The following STK40 variants were observed in gnomAD, a reference collection of about 807,000 sequenced individuals.
STK40 encodes the protein serine/threonine-protein kinase 40.
A neutral mutation model predicts 47.9 loss-of-function variants in STK40; 13 were observed. That is an observed-to-expected ratio of 0.27 (90% CI 0.18 to 0.43). STK40 has a LOEUF of 0.43. Ranked by LOEUF, STK40 falls within the 20% of genes least tolerant of loss-of-function variation. The pLI is 1.00. For missense variants in STK40, 460 were observed against 595.1 expected, an observed-to-expected ratio of 0.77 and a Z score of 2.36; for synonymous variants, 225 against 243.2, an observed-to-expected ratio of 0.93 and a Z score of 0.69.
chr1:36,366,716 GA>G, intron 1 of STK40, among the ~76,000 whole-genome samples: 1 of 152,294 alleles, frequency 6.6e-6, no homozygotes, highest in African/African-American at 2.4e-5. Context: ...GGTCCCCCCA[GA>G]CACCTGGTCC....
intron 1 of STK40, among the ~76,000 whole-genome samples, chr1:36,376,772 T>C (rs1243249779): frequency 6.6e-6 from 1 of 152,216 alleles, no homozygotes; most frequent in East Asian, 1.9e-4. Flanking sequence ...ATACACACTT[T>C]TGAATACGCA....
chr1:36,355,969 G>A (rs1646800212), intron 4 of STK40, among the ~76,000 whole-genome samples: 1 of 152,114 alleles, frequency 6.6e-6, no homozygotes, highest in Non-Finnish European at 1.5e-5. Flanking sequence ...CTGTCGGGAT[G>A]CAGTACTCCC....
At chr1:36,351,770 G>A (rs1646761268) in intron 6 of STK40, among the ~76,000 whole-genome samples, 1 of 152,188 alleles carries the variant, frequency 6.6e-6, no homozygotes, top group South Asian at 2.1e-4. Context: ...GTGAGAGTTG[G>A]AAGCAAATCC....
At chr1:36,357,571 TCA>T (rs746753155) in intron 4 of STK40, among the ~76,000 whole-genome samples, 1 of 152,130 alleles carries the variant, frequency 6.6e-6, no homozygotes, top group South Asian at 2.1e-4. Flanking sequence ...CTCAGGCATT[TCA>T]GTTTGTCCAG....
chr1:36,363,319 T>C (rs1227021183), intron 1 of STK40, among the ~76,000 whole-genome samples: 1 of 151,882 alleles, frequency 6.6e-6, no homozygotes, highest in Non-Finnish European at 1.5e-5. Context: ...ACAAAAACCA[T>C]TAAGGATAAA....
intron 6 of STK40, among the ~76,000 whole-genome samples, chr1:36,351,961 A>C (rs906125791): frequency 1.3e-5 from 2 of 152,220 alleles, no homozygotes; most frequent in African/African-American, 4.8e-5. Context: ...TTAGGTGCCC[A>C]AAAAATATGC....
rs760439113 is a variant in STK40, at chr1:36,355,269, G to A, written c.507C>T (p.Leu169=). The A allele has an allele frequency of 5.0e-6, 8 of 1,614,118 alleles. No individual in the cohort carries two copies. The Admixed American group carries it at 5.0e-5, about 10-fold the overall frequency. ...AGATTACCACAGTCTCCCTCTCGCT[G>A]AGCCTCTTCTCCTTGATGACGTAGT... ...LQHYVIKEKR[L]SERETVVIFY... The change falls in exon 5 of 11, where the codon CTC becomes CTT. Residue 169 remains leucine (L), a synonymous_variant. Coordinates refer to ENST00000373132, the MANE Select transcript of STK40 (RefSeq NM_001282547.2).
rs1188721529 is a variant in STK40, at chr1:36,340,181, G to A, written c.*1574C>T. On this transcript the variant is annotated 3_prime_UTR_variant, in exon 11 of 11. Coordinates refer to ENST00000373132, the MANE Select transcript of STK40 (RefSeq NM_001282547.2). ...GGGGAGTAAGTGCTGGGCTCCAGTA[G>A]GCTCCCACAGGCCCACTGAGGCAGA... 2 of 152,854 alleles carry A rather than the reference G, an allele frequency of 1.3e-5. No individual in the cohort carries two copies. Among genetic ancestry groups the A allele is most frequent in the African/African-American group, 2.4e-5 (1 of 41,476 alleles). The allele number at this position is 152,854 out of a possible 1,614,324, so 9.5% of individuals were successfully genotyped here. A position where few individuals can be genotyped will look rare whatever the true frequency, so the allele number is the denominator to read the frequency against.
intron 3 of STK40, 131 bp from the exon 4 acceptor site, chr1:36,358,513 A>G (rs1034375715): frequency 2.0e-5 from 26 of 1,325,854 alleles, no homozygotes; most frequent in Non-Finnish European, 4.1e-6. Flanking sequence ...AAACACACCA[A>G]GTGAAATCGT....
intron 1 of STK40, among the ~76,000 whole-genome samples, chr1:36,363,002 A>G (rs918358106): frequency 2.6e-5 from 4 of 152,182 alleles, no homozygotes; most frequent in Admixed American, 2.6e-4. Flanking sequence ...CTAAAAATAC[A>G]GAAATTAGCT....
chr1:36,351,294 G>A (rs1646750810), intron 6 of STK40, among the ~76,000 whole-genome samples: 1 of 147,898 alleles, frequency 6.8e-6, no homozygotes, highest in Non-Finnish European at 1.5e-5. Flanking sequence ...ACCTCCCCCT[G>A]TCTGCTCCTT....
In STK40 at chr1:36,341,135, G is replaced by C. The variant is rs1453604525; in HGVS notation, c.*620C>G. The C allele has an allele frequency of 6.5e-6, 1 of 153,048 alleles. No homozygotes were observed. Among genetic ancestry groups the C allele is most frequent in the African/African-American group, 2.4e-5 (1 of 41,454 alleles). 9.5% of individuals were successfully genotyped at this position (153,048 alleles called of 1,614,324 possible). A position where few individuals can be genotyped will look rare whatever the true frequency, so the allele number is the denominator to read the frequency against. ...ATTCCTTGCTGTCCAGCCAGGCTGGGGGCAGGGAGTGGCCATGGACTGAGC... is the reference window on the plus strand; with the variant it reads ...ATTCCTTGCTGTCCAGCCAGGCTGGCGGCAGGGAGTGGCCATGGACTGAGC... On this transcript the variant is annotated 3_prime_UTR_variant, in exon 11 of 11. Coordinates refer to ENST00000373132, the MANE Select transcript of STK40 (RefSeq NM_001282547.2).
intron 1 of STK40, among the ~76,000 whole-genome samples, chr1:36,375,506 C>CA (rs112337610): frequency 0.12 from 16,003 of 133,628 alleles, 983 homozygotes; most frequent in Middle Eastern, 0.28. Flanking sequence ...GACTCTGTCT[C>CA]AAAAAAAAAA....
At position 36,344,274 on chromosome 1, in the gene STK40, C is replaced by T. The variant is rs1212602804; in HGVS notation, c.740-10G>A. The T allele has an allele frequency of 7.0e-6, 11 of 1,579,626 alleles. No individual in the cohort carries two copies. The highest frequency in any genetic ancestry group is 1.7e-5 in the Admixed American group (1 of 57,432). On this transcript the variant is annotated splice_polypyrimidine_tract_variant and intron_variant, in intron 7 of 10. Transcript: ENST00000373132. ...CCACGGTACGGCCGGCCTACGGGCACACACATACCACACTGTCTTCAGGCC... is the reference window on the plus strand; with the variant it reads ...CCACGGTACGGCCGGCCTACGGGCATACACATACCACACTGTCTTCAGGCC...
At chr1:36,354,240 TGGA>T (rs1646782931) in intron 6 of STK40, 121 bp downstream of exon 6, 1 of 1,024,860 alleles carries the variant, frequency 9.8e-7, no homozygotes, top group South Asian at 1.3e-5. Context: ...CTGGGATTCC[TGGA>T]GGAAGTGGGT....
intron 6 of STK40, among the ~76,000 whole-genome samples, chr1:36,350,435 G>A (rs1646742018): frequency 6.6e-6 from 1 of 152,218 alleles, no homozygotes; most frequent in South Asian, 2.1e-4. Context: ...GACGCTGAGA[G>A]GAGGACAGCT....
intron 2 of STK40, among the ~76,000 whole-genome samples, chr1:36,360,819 A>C (rs569548960): frequency 1.3e-5 from 2 of 152,216 alleles, no homozygotes; most frequent in Non-Finnish European, 2.9e-5. Context: ...CTGGGATTAC[A>C]TAAGTGAGCT....
chr1:36,348,530 T>C (rs1646723686), intron 7 of STK40, among the ~76,000 whole-genome samples, 170 bp downstream of exon 7: 1 of 152,200 alleles, frequency 6.6e-6, no homozygotes, highest in Admixed American at 6.5e-5. Flanking sequence ...CATTACGTCT[T>C]CCACCTCCAA....
At chr1:36,342,211 C>G in intron 10 of STK40, 1 of 553,892 alleles carries the variant, frequency 1.8e-6, no homozygotes, top group Non-Finnish European at 3.3e-6. Flanking sequence ...CTGACGCAGA[C>G]TCATGCTTCC....
Sources: gnomAD v4.1 joint callset for allele counts (sites outside exome capture counted in the v4.1 genomes callset) on GRCh38, gnomAD v4.1.1 for gene constraint, MANE v1.5 for transcripts, NCBI Gene and HGNC (gene_info 2026-07-23, HGNC 2026-07-21) for gene names.